The following SNX25 variants were observed in gnomAD, a reference collection of about 807,000 sequenced individuals.
SNX25 encodes sorting nexin 25, also known as sorting nexin-25.
A neutral mutation model predicts 113.7 loss-of-function variants in SNX25; 62 were observed. The ratio of observed to expected loss-of-function variants is 0.55; its 90% CI spans 0.44 to 0.67. The LOEUF (loss-of-function observed/expected upper bound fraction) is 0.67, where lower values mean the gene tolerates loss of function less well. SNX25 is among the 30% of genes least tolerant of loss of function. The probability of loss-of-function intolerance (pLI) is 0.00; values close to 1 mark genes in which losing one functional copy is unlikely to be tolerated. For synonymous variants in SNX25, 421 were observed against 436.2 expected, an observed-to-expected ratio of 0.97 and a Z score of 0.43; for missense variants, 1,014 against 1,161.0, an observed-to-expected ratio of 0.87 and a Z score of 1.84.
Position 185,363,729 on chromosome 4 carries a change from G to A in SNX25, c.*264G>A. On this transcript the variant is annotated 3_prime_UTR_variant, in exon 19 of 19. Transcript: ENST00000652585. This position sits in a 1 kb window ranked among gnomAD's most constrained non-coding sequence, Gnocchi z 4.2. ...TTGAAATACAAATGTTAATATGTGAGAACCTAGGAAGTATTTTAAATATTT... is the reference window on the plus strand; with the variant it reads ...TTGAAATACAAATGTTAATATGTGAAAACCTAGGAAGTATTTTAAATATTT... 3.3e-6 allele frequency: 1 copy of A among 302,848 alleles called. No individual in the cohort carries two copies. Among genetic ancestry groups the A allele is most frequent in the Middle Eastern group, 1.0e-3 (1 of 996 alleles). The allele number at this position is 302,848 out of a possible 1,614,324, so 18.8% of individuals were successfully genotyped here. A position where few individuals can be genotyped will look rare whatever the true frequency, so the allele number is the denominator to read the frequency against.
At chr4:185,320,976 C>T in intron 8 of SNX25, 112 bp downstream of exon 8, 1 of 865,686 alleles carries the variant, frequency 1.2e-6, no homozygotes, top group Non-Finnish European at 1.6e-6. Context: ...TATTTTAAAC[C>T]AAATATAATA....
At chr4:185,261,226 G>T (rs1045217096) in intron 3 of SNX25, among the ~76,000 whole-genome samples, 1 of 151,848 alleles carries the variant, frequency 6.6e-6, no homozygotes, top group African/African-American at 2.4e-5. Context: ...TACCCAGGCT[G>T]GAGTGCAGTG....
At chr4:185,259,163 T>G (rs2126523838) in intron 3 of SNX25, 99 bp downstream of exon 3, 1 of 917,540 alleles carries the variant, frequency 1.1e-6, no homozygotes, top group Admixed American at 2.6e-5. Context: ...TTCTGCCTAT[T>G]GCTGGCACTT....
intron 6 of SNX25, among the ~76,000 whole-genome samples, chr4:185,307,595 A>G (rs185666246): frequency 4.6e-5 from 7 of 152,102 alleles, no homozygotes; most frequent in African/African-American, 1.7e-4. Context: ...AACTGAATCC[A>G]TATAAAGGGA....
intron 6 of SNX25, 30 bp downstream of exon 6, chr4:185,288,112 A>G (rs1385472261): frequency 1.3e-6 from 2 of 1,589,088 alleles, no homozygotes; most frequent in Non-Finnish European, 8.6e-7. Context: ...CTTCAGTTCC[A>G]CATCTGAAAG....
chr4:185,308,150 C>T (rs1754724478), intron 6 of SNX25, among the ~76,000 whole-genome samples: 2 of 152,234 alleles, frequency 1.3e-5, no homozygotes, highest in South Asian at 4.1e-4. Flanking sequence ...TGCCTTCCCT[C>T]ACCCCAACCC....
At chr4:185,341,425 G>A (rs186720556) in intron 11 of SNX25, among the ~76,000 whole-genome samples, 1 of 152,330 alleles carries the variant, frequency 6.6e-6, no homozygotes, top group African/African-American at 2.4e-5. Context: ...AACACAGGAT[G>A]AGCCTGCTGT....
intron 1 of SNX25, among the ~76,000 whole-genome samples, chr4:185,224,465 A>C (rs544909263): frequency 0.039 from 4,036 of 104,584 alleles, 213 homozygotes; most frequent in African/African-American, 0.13. Context: ...ATAGATATAT[A>C]AATATATAAA....
intron 9 of SNX25, among the ~76,000 whole-genome samples, chr4:185,327,224 A>G (rs1196281712): frequency 2.0e-5 from 3 of 152,246 alleles, no homozygotes; most frequent in Non-Finnish European, 4.4e-5. Flanking sequence ...TGGAGAGCCT[A>G]GGACCTAGAC....
chr4:185,258,995 A>G lies in SNX25; in HGVS notation c.662A>G (p.Lys221Arg). 1.9e-6 allele frequency: 3 copies of G among 1,614,180 alleles called. No homozygotes were observed. The highest frequency in any genetic ancestry group is 2.2e-5 in the South Asian group (2 of 91,080). Residue 221 changes from lysine (K) to arginine (R), a missense_variant, in exon 3 of 19, where the codon AAA becomes AGA. Transcript: ENST00000652585. ...AGACTGAGTCACGTGGATGTGGTTA[A>G]AGTTGTCTGCAATGATGTTGTGAGG... ...HHRLSHVDVV[K>R]VVCNDVVRTL...
At chr4:185,284,150 C>G (rs28460306) in intron 5 of SNX25, among the ~76,000 whole-genome samples, 2,546 of 152,180 alleles carry the variant, frequency 0.017, 63 homozygotes, top group African/African-American at 0.058. Flanking sequence ...GACTCTTGAT[C>G]TAGTTGGGGT....
At chr4:185,288,266 A>G (rs1751624539) in intron 6 of SNX25, among the ~76,000 whole-genome samples, 184 bp downstream of exon 6, 1 of 152,102 alleles carries the variant, frequency 6.6e-6, no homozygotes, top group Non-Finnish European at 1.5e-5. Flanking sequence ...CCTAACAACA[A>G]CCTTTGTCTG....
At chr4:185,326,670 C>T (rs1005705712) in intron 9 of SNX25, among the ~76,000 whole-genome samples, 5 of 152,134 alleles carry the variant, frequency 3.3e-5, no homozygotes, top group Non-Finnish European at 7.3e-5. Context: ...GAGCCGAACA[C>T]CATTTTATAT....
At position 185,362,469 on chromosome 4, in the gene SNX25, T is replaced by C. The variant is rs1214966917; in HGVS notation, c.2834-142T>C. On this transcript the variant is annotated intron_variant, in intron 17 of 18. Transcript: ENST00000652585. ...GTTGAAACATTCTTTCCTGAAGCAT[T>C]TGAGAGAACTGACCATTCATGTTTC... 7 of 1,182,844 alleles carry C rather than the reference T, an allele frequency of 5.9e-6. No homozygotes were observed. In the East Asian group the frequency reaches 1.8e-4, roughly 30 times the overall value. The allele number at this position is 1,182,844 out of a possible 1,614,324, so 73.3% of individuals were successfully genotyped here.
intron 7 of SNX25, among the ~76,000 whole-genome samples, chr4:185,314,986 T>G (rs528526279): frequency 6.9e-4 from 104 of 150,988 alleles, no homozygotes; most frequent in African/African-American, 2.5e-3. Flanking sequence ...CCCAGCACTT[T>G]GGGAGGCCGA....
chr4:185,334,168 G>A lies in SNX25; in HGVS notation c.1914+1409G>A, dbSNP rs1002790552. On this transcript the variant is annotated intron_variant, in intron 10 of 18. Coordinates refer to ENST00000652585, the MANE Select transcript of SNX25 (RefSeq NM_001378034.2). The surrounding 1 kb of genome is among the most constrained non-coding windows in gnomAD (Gnocchi z 4.2). ...AGCCTGGCCAACATGATGAAACCCT[G>A]TGTCTACTAAAAATACAAAAATTAG... is the stretch of plus-strand genomic sequence containing the variant. Among the ~76,000 whole-genome samples, 11 of 152,018 alleles carry A rather than the reference G, an allele frequency of 7.2e-5. No homozygotes were observed. The highest frequency in any genetic ancestry group is 2.7e-4 in the African/African-American group (11 of 41,380).
At chr4:185,215,371 G>T (rs1253482015) in intron 1 of SNX25, among the ~76,000 whole-genome samples, 1 of 152,232 alleles carries the variant, frequency 6.6e-6, no homozygotes, top group Non-Finnish European at 1.5e-5. Context: ...AGGACTGGAT[G>T]GCAGAGATGT....
At chr4:185,368,415 G>GGA (rs753352478), downstream of SNX25, among the ~76,000 whole-genome samples, 11 of 152,184 alleles carry the variant, frequency 7.2e-5, no homozygotes, top group South Asian at 6.2e-4. Flanking sequence ...GCCTGCCATG[G>GGA]GCACTGATTC....
chr4:185,362,574 A>G (rs2095370170), intron 17 of SNX25, 37 bp from the exon 18 acceptor site: 2 of 1,589,962 alleles, frequency 1.3e-6, no homozygotes, highest in African/African-American at 1.3e-5. Context: ...TGAGCACTTT[A>G]TCAATAGCAG....
Sources: gnomAD v4.1 joint callset for allele counts (sites outside exome capture counted in the v4.1 genomes callset) on GRCh38, gnomAD v4.1.1 for gene constraint, Gnocchi (gnomAD v3.1) non-coding constraint, MANE v1.5 for transcripts, NCBI Gene and HGNC (gene_info 2026-07-23, HGNC 2026-07-21) for gene names.